FAM120C: variants seen among roughly 807,000 people sequenced by gnomAD.
FAM120C encodes the protein family with sequence similarity 120 member C, also known as constitutive coactivator of PPAR-gamma-like protein 2.
FAM120C carries 14 observed loss-of-function variants against 71.2 expected under a neutral mutation model. That is an observed-to-expected ratio of 0.20 (90% CI 0.13 to 0.31). The LOEUF (loss-of-function observed/expected upper bound fraction) is 0.31. FAM120C is among the 10% of genes least tolerant of loss of function. FAM120C has a pLI of 1.00. For synonymous variants in FAM120C, 354 were observed against 353.2 expected (o/e 1.00, Z -0.03); for missense variants, 500 against 879.0 (o/e 0.57, Z 5.45).
chrX:54,101,220 T>A (rs1439740793), intron 10 of FAM120C, among the ~76,000 whole-genome samples: 3 of 111,336 alleles, frequency 2.7e-5, no homozygotes, highest in Non-Finnish European at 5.7e-5. Context: ...CACACCTGGG[T>A]CCATGTGAGA....
chrX:54,105,176 C>A (rs781958007), intron 10 of FAM120C, among the ~76,000 whole-genome samples: 1 of 111,613 alleles, frequency 9.0e-6, no homozygotes, highest in Non-Finnish European at 1.9e-5. Context: ...ACTGGCAAAC[C>A]GAATCCAGCA....
chrX:54,174,312 G>C (rs1370292640), intron 1 of FAM120C, among the ~76,000 whole-genome samples: 2 of 112,006 alleles, frequency 1.8e-5, no homozygotes, highest in Non-Finnish European at 3.8e-5. Flanking sequence ...CCACAAACGG[G>C]GGGGACAGGA....
chrX:54,132,771 T>C lies in FAM120C; in HGVS notation c.1983A>G (p.Val661=), dbSNP rs45611732. The change falls in exon 9 of 16, where the codon GTA becomes GTG. Residue 661 remains valine (V), a synonymous_variant. Transcript: ENST00000375180. The part of the protein sequence containing the change: ...ALLFRSARQY[V]YGVLFSLAET... ...CTGCCAGACTAAAAAGAACTCCATA[T>C]ACATATTGACGAGCTGACCGGAATA... The C allele has an allele frequency of 1.6e-3, 1,905 of 1,208,099 alleles. No homozygotes were observed. The highest frequency in any genetic ancestry group is 2.0e-3 in the Non-Finnish European group (1,829 of 894,236).
chrX:54,147,133 G>C (rs1025451318), intron 4 of FAM120C, among the ~76,000 whole-genome samples: 3 of 110,526 alleles, frequency 2.7e-5, no homozygotes, highest in Non-Finnish European at 5.7e-5. Context: ...CTGGCCAACA[G>C]GGTGAAACCC....
In FAM120C at chrX:54,072,597, G is replaced by C. The variant is rs2066716093; in HGVS notation, c.*436C>G. 1 of 111,158 alleles carries C rather than the reference G, an allele frequency of 9.0e-6. No individual in the cohort carries two copies. The highest frequency in any genetic ancestry group is 1.8e-5 in the Non-Finnish European group (1 of 54,238). The allele number at this position is 111,158 out of a possible 1,213,427, so 9.2% of individuals were successfully genotyped here. A position where few individuals can be genotyped will look rare whatever the true frequency, so the allele number is the denominator to read the frequency against. ...AAAAAACAAAAAAAAACCTCAGGAG[G>C]CCACAGCTGTCCCCACAACCTCATA... On this transcript the variant is annotated 3_prime_UTR_variant, in exon 16 of 16. Coordinates refer to ENST00000375180, the MANE Select transcript of FAM120C (RefSeq NM_017848.6).
rs781800464 is a variant in FAM120C at position 54,153,851 on chromosome X, C to A, written c.1030-2478G>T. ...AAAGTGCTGAGATTACAGGCTTGAG[C>A]CACCACGCCCGGCCTTTTAAAAAAT... On this transcript the variant is annotated intron_variant, in intron 3 of 15. Coordinates refer to ENST00000375180, the MANE Select transcript of FAM120C (RefSeq NM_017848.6). Among the ~76,000 whole-genome samples the A allele has an allele frequency of 2.8e-3, 312 of 109,595 alleles. 1 individual carries two copies. Among genetic ancestry groups the A allele is most frequent in the African/African-American group, 1.0e-2 (301 of 30,179 alleles).
At position 54,118,699 on chromosome X, in the gene FAM120C, CTTTTTTTTT is replaced by C. The variant is rs1187381929; in HGVS notation, c.2063-1914_2063-1906del. On this transcript the variant is annotated intron_variant, in intron 9 of 15. Transcript: ENST00000375180. The stretch of plus-strand genomic sequence containing the variant: ...TTTTAATTTGTATTTTTCTTTTTTT[CTTTTTTTTT>C]TTTTTTTTTTTTTTTTTAATTATAC... 2.8e-4 allele frequency among the ~76,000 whole-genome samples: 9 copies of C among 31,730 alleles called. No individual in the cohort carries two copies. The South Asian group carries it at 9.7e-3, about 34-fold the overall frequency. 27.6% of individuals were successfully genotyped at this position (31,730 alleles called of 115,157 possible).
intron 9 of FAM120C, among the ~76,000 whole-genome samples, chrX:54,129,224 C>A (rs1254941969): frequency 9.3e-6 from 1 of 107,661 alleles, no homozygotes; most frequent in African/African-American, 3.4e-5. Flanking sequence ...ACTTCCCAGA[C>A]GGGGTGGCTG....
intron 6 of FAM120C, 53 bp downstream of exon 6, chrX:54,135,475 T>G: frequency 5.5e-6 from 6 of 1,082,561 alleles, no homozygotes; most frequent in Non-Finnish European, 7.6e-6. Context: ...ATTATAAAAA[T>G]CAGGAAGCAA....
intron 1 of FAM120C, 144 bp from the exon 2 acceptor site, chrX:54,159,760 A>AAT: frequency 2.1e-6 from 1 of 475,448 alleles, no homozygotes; most frequent in Non-Finnish European, 3.0e-6. Context: ...AACATTTTTT[A>AAT]CTTTTTTTTT....
chrX:54,142,115 G>A (rs1383314468), intron 4 of FAM120C, among the ~76,000 whole-genome samples: 1 of 111,985 alleles, frequency 8.9e-6, no homozygotes. Flanking sequence ...AAAGGGAGGA[G>A]GTTCCAAGAT....
chrX:54,182,430 G>C, intron 1 of FAM120C, 70 bp downstream of exon 1: 1 of 1,096,206 alleles, frequency 9.1e-7, no homozygotes, highest in Admixed American at 2.7e-5. Context: ...TAAGTGGGTA[G>C]GTGGTTAGGT....
chrX:54,117,232 G>A lies in FAM120C; in HGVS notation c.2063-438C>T, dbSNP rs782273510. Among the ~76,000 whole-genome samples, 267 of 106,914 alleles carry A rather than the reference G, an allele frequency of 2.5e-3. 1 individual carries two copies. Among genetic ancestry groups the A allele is most frequent in the African/African-American group, 8.6e-3 (253 of 29,285 alleles). The allele number at this position is 106,914 out of a possible 115,157, so 92.8% of individuals were successfully genotyped here. ...AAATTAGCTGGGTGTGGTGGCATGC[G>A]CTGCCAGCGACTTGGAAGGCTGAGG... is the stretch of plus-strand genomic sequence containing the variant. On this transcript the variant is annotated intron_variant, in intron 9 of 15. Transcript: ENST00000375180.
At chrX:54,078,195 G>A (rs974639450) in intron 15 of FAM120C, among the ~76,000 whole-genome samples, 1 of 106,456 alleles carries the variant, frequency 9.4e-6, no homozygotes, top group Non-Finnish European at 1.9e-5. Flanking sequence ...CGCCCGCCTC[G>A]GCCTCCCAAA....
At chrX:54,075,199 T>C (rs781983133) in intron 15 of FAM120C, among the ~76,000 whole-genome samples, 3 of 111,895 alleles carry the variant, frequency 2.7e-5, no homozygotes, top group African/African-American at 9.7e-5. Context: ...ACGAAGACTT[T>C]ACTATTAGTC....
intron 1 of FAM120C, among the ~76,000 whole-genome samples, chrX:54,165,975 A>G (rs977776178): frequency 9.1e-6 from 1 of 110,042 alleles, no homozygotes; most frequent in Non-Finnish European, 1.9e-5. Context: ...AAAAAAAATC[A>G]AACATTTCTG....
intron 9 of FAM120C, among the ~76,000 whole-genome samples, chrX:54,127,898 A>G (rs2067036744): frequency 9.0e-6 from 1 of 110,762 alleles, no homozygotes; most frequent in Admixed American, 9.7e-5. Flanking sequence ...TGGCCCAGGT[A>G]TCTTTTTTGA....
At chrX:54,136,943 T>TTTATTATTATTA (rs200501762) in intron 4 of FAM120C, among the ~76,000 whole-genome samples, 37 of 107,694 alleles carry the variant, frequency 3.4e-4, no homozygotes, top group African/African-American at 1.2e-3. Flanking sequence ...ATTTTATTAT[T>TTTATTATTATTA]TTATTATTAT....
In FAM120C at chrX:54,159,752, C is replaced by T. The variant is rs2146636551; in HGVS notation, c.700-136G>A. ...GTGAGAGAACAGAACATTCTTTTAACATTTTTTACTTTTTTTTTTTTTTTT... is the reference window on the plus strand; with the variant it reads ...GTGAGAGAACAGAACATTCTTTTAATATTTTTTACTTTTTTTTTTTTTTTT... On this transcript the variant is annotated intron_variant, in intron 1 of 15. Coordinates refer to ENST00000375180, the MANE Select transcript of FAM120C (RefSeq NM_017848.6). 7 of 374,665 alleles carry T rather than the reference C, an allele frequency of 1.9e-5. No individual in the cohort carries two copies. In the South Asian group the frequency reaches 3.3e-4, roughly 18 times the overall value. The allele number at this position is 374,665 out of a possible 1,213,427, so 30.9% of individuals were successfully genotyped here.
Sources: allele counts gnomAD v4.1 joint callset (sites outside exome capture counted in the v4.1 genomes callset), GRCh38; gene constraint gnomAD v4.1.1; transcripts MANE v1.5; gene names NCBI Gene and HGNC (gene_info 2026-07-23, HGNC 2026-07-21).